Variants in LINGO1 observed in about 807,000 individuals in gnomAD.
The protein encoded by LINGO1 is leucine rich repeat and Ig domain containing 1, also known as leucine-rich repeat and immunoglobulin-like domain-containing nogo receptor-interacting protein 1.
Under a neutral mutation model 37.3 loss-of-function variants are expected in LINGO1, and 11 were observed. The observed-to-expected ratio is 0.29, with a 90% confidence interval of 0.19 to 0.49. LINGO1 has a LOEUF of 0.49. Among genes scored for constraint, LINGO1 ranks in the 20% least tolerant of loss-of-function variants. The pLI, the probability that LINGO1 is intolerant of heterozygous loss-of-function variation, is 0.99. For missense variants in LINGO1, 585 were observed against 878.2 expected (o/e 0.67, Z 4.22); for synonymous variants, 387 against 403.0 (o/e 0.96, Z 0.48).
intron 2 of LINGO1, among the ~76,000 whole-genome samples, chr15:77,682,137 C>T (rs1475383613): frequency 6.6e-6 from 1 of 151,544 alleles, no homozygotes; most frequent in Non-Finnish European, 1.5e-5. Flanking sequence ...GGCAGAAATT[C>T]TGTCTGTGGG....
chr15:77,664,170 T>TGTGCGCGCGCATGCGC, intron 3 of LINGO1, among the ~76,000 whole-genome samples: 1 of 130,946 alleles, frequency 7.6e-6, no homozygotes, highest in Non-Finnish European at 1.5e-5. Flanking sequence ...TGTGTGTGTG[T>TGTGCGCGCGCATGCGC]GCGCGCGCGC....
At chr15:77,800,732 A>C (rs1243960542) in intron 1 of LINGO1, among the ~76,000 whole-genome samples, 4 of 152,222 alleles carry the variant, frequency 2.6e-5, no homozygotes, top group Non-Finnish European at 5.9e-5. Flanking sequence ...AAACGTGTAA[A>C]ACATCCGTAC....
chr15:77,633,551 G>T (rs924419042), upstream of LINGO1, among the ~76,000 whole-genome samples: 33 of 152,202 alleles, frequency 2.2e-4, no homozygotes, highest in African/African-American at 8.0e-4. Context: ...AGGAAGCCGC[G>T]CTGGCCCGGC....
At chr15:77,684,021 C>A (rs1267809766) in intron 2 of LINGO1, among the ~76,000 whole-genome samples, 1 of 152,192 alleles carries the variant, frequency 6.6e-6, no homozygotes, top group African/African-American at 2.4e-5. Flanking sequence ...GTCCCCCAAG[C>A]TGCCTCTAGG....
intron 2 of LINGO1, among the ~76,000 whole-genome samples, chr15:77,710,921 TCAGGGGC>T (rs1260592694): frequency 1.6e-4 from 25 of 152,228 alleles, no homozygotes; most frequent in African/African-American, 6.0e-4. Context: ...TTCACAGGCC[TCAGGGGC>T]CTCTGGTTCA....
At chr15:77,798,740 C>T (rs1457753333) in intron 1 of LINGO1, among the ~76,000 whole-genome samples, 2 of 152,210 alleles carry the variant, frequency 1.3e-5, no homozygotes, top group Admixed American at 6.5e-5. Flanking sequence ...TCCTACCTGC[C>T]CTCTTGGCTC....
At chr15:77,705,203 A>ACACACACACACACACACACACACC (rs1311494205) in intron 2 of LINGO1, among the ~76,000 whole-genome samples, 4 of 148,648 alleles carry the variant, frequency 2.7e-5, no homozygotes, top group Admixed American at 6.6e-5. Flanking sequence ...ACACACACAC[A>ACACACACACACACACACACACACC]CACCAGTCCA....
At chr15:77,720,367 C>T (rs2076036701) in intron 2 of LINGO1, among the ~76,000 whole-genome samples, 1 of 152,252 alleles carries the variant, frequency 6.6e-6, no homozygotes, top group Admixed American at 6.5e-5. Context: ...GGTCCACGCA[C>T]CTGCCCCTCT....
At chr15:77,710,693 C>A (rs1252133265) in intron 2 of LINGO1, among the ~76,000 whole-genome samples, 1 of 152,258 alleles carries the variant, frequency 6.6e-6, no homozygotes, top group Non-Finnish European at 1.5e-5. Context: ...GAAGACTTCA[C>A]AGAGCTGGAA....
intron 2 of LINGO1, among the ~76,000 whole-genome samples, chr15:77,683,528 G>A (rs1260699036): frequency 6.6e-6 from 1 of 152,178 alleles, no homozygotes; most frequent in African/African-American, 2.4e-5. Context: ...ATTAGGCAAC[G>A]ATTAAAAAGA....
chr15:77,714,930 A>G (rs2075965691), intron 2 of LINGO1, among the ~76,000 whole-genome samples: 1 of 152,248 alleles, frequency 6.6e-6, no homozygotes, highest in African/African-American at 2.4e-5. Context: ...TCCCAAGAAG[A>G]CATTAGCCAT....
At chr15:77,794,596 T>A (rs1286634386) in intron 2 of LINGO1, among the ~76,000 whole-genome samples, 1,534 of 135,516 alleles carry the variant, frequency 0.011, 78 homozygotes, top group African/African-American at 0.04. Context: ...ATATATTTTT[T>A]TTTTTTTTTG....
chr15:77,650,560 A>G (rs1365272488), intron 3 of LINGO1, among the ~76,000 whole-genome samples: 1 of 152,132 alleles, frequency 6.6e-6, no homozygotes, highest in Non-Finnish European at 1.5e-5. Flanking sequence ...GCTGGGTTCA[A>G]TCTAGGCAGG....
At position 77,782,007 on chromosome 15, in the gene LINGO1, G is replaced by A. The variant is rs538445202; in HGVS notation, c.-257+4862C>T. On this transcript the variant is annotated intron_variant, in intron 1 of 3. Transcript: ENST00000561686. ...CAGGAGCCAGAAAGGGAAAGGACCC[G>A]AAATCAACAAGCGTTCCAGAATTTT... Among the ~76,000 whole-genome samples, 23 of 152,328 alleles carry A rather than the reference G, an allele frequency of 1.5e-4. No individual in the cohort carries two copies. In the South Asian group the frequency reaches 2.5e-3, roughly 16 times the overall value.
chr15:77,645,858 C>T (rs1446379644), intron 3 of LINGO1, among the ~76,000 whole-genome samples: 6 of 152,236 alleles, frequency 3.9e-5, no homozygotes, highest in Middle Eastern at 3.2e-3. Context: ...GCCTCACTCA[C>T]GAAGGGGACA....
chr15:77,628,381 G>C (rs1449386628), intron 1 of LINGO1, among the ~76,000 whole-genome samples: 1 of 152,166 alleles, frequency 6.6e-6, no homozygotes, highest in African/African-American at 2.4e-5. Context: ...GTGAAAATGA[G>C]CTACAACTAC....
intron 3 of LINGO1, among the ~76,000 whole-genome samples, chr15:77,675,031 A>G (rs2075306655): frequency 6.6e-6 from 1 of 152,182 alleles, no homozygotes; most frequent in Non-Finnish European, 1.5e-5. Flanking sequence ...GCCAACAAGC[A>G]TATGCAAATA....
rs192998948 is a variant in LINGO1, at chr15:77,770,691, T to C, written c.-257+16178A>G. ...CGAAGAGGGGGTTTAAATCCAAGCC[T>C]AACTCCAGATCCGGGGACCCTTCAG... On this transcript the variant is annotated intron_variant, in intron 1 of 3. Transcript: ENST00000561686. 1.1e-3 allele frequency among the ~76,000 whole-genome samples: 166 copies of C among 149,420 alleles called. 3 individuals are homozygous for C. The highest frequency in any genetic ancestry group is 9.7e-3 in the Admixed American group (147 of 15,092).
intron 2 of LINGO1, chr15:77,707,351 C>T (rs1372722229): frequency 4.6e-5 from 7 of 152,218 alleles, no homozygotes. Context: ...GCTACATGCC[C>T]AATGATGGGC....
Sources: gnomAD v4.1 joint callset for allele counts (sites outside exome capture counted in the v4.1 genomes callset) on GRCh38, gnomAD v4.1.1 for gene constraint, MANE v1.5 for transcripts, NCBI Gene and HGNC (gene_info 2026-07-23, HGNC 2026-07-21) for gene names.